Variants in CENPO observed in about 807,000 individuals in gnomAD.
CENPO encodes centromeric protein O.
In CENPO, 30 loss-of-function variants were observed where a neutral mutation model predicts 36.1. The ratio of observed to expected loss-of-function variants is 0.83; its 90% CI spans 0.62 to 1.13. The LOEUF (loss-of-function observed/expected upper bound fraction) is 1.13. CENPO is among the 50% of genes most tolerant of loss of function. The pLI, the probability that CENPO is intolerant of heterozygous loss-of-function variation, is 0.00. For missense variants in CENPO, 349 were observed against 357.8 expected (o/e 0.98, Z 0.20); for synonymous variants, 171 against 142.3 (o/e 1.20, Z -1.44).
chr2:24,821,144 C>T lies in CENPO; in HGVS notation c.*1826C>T, dbSNP rs766618957. The T allele has an allele frequency of 9.4e-5, 41 of 436,518 alleles. No homozygotes were observed. Among genetic ancestry groups the T allele is most frequent in the Non-Finnish European group, 1.5e-4 (37 of 243,712 alleles). 27.0% of individuals were successfully genotyped at this position (436,518 alleles called of 1,614,324 possible). ...CCTGGGACCTCACTCAGGAATGATA[C>T]CCCCTCAGTAGAAGCAGCAGGTGAT... is the stretch of plus-strand genomic sequence containing the variant. On this transcript the variant is annotated 3_prime_UTR_variant, in exon 8 of 8. Transcript: ENST00000380834.
At chr2:24,802,939 C>T (rs1666222158) in intron 3 of CENPO, among the ~76,000 whole-genome samples, 1 of 152,158 alleles carries the variant, frequency 6.6e-6, no homozygotes, top group African/African-American at 2.4e-5. Flanking sequence ...TAGAATTCGG[C>T]TGTGAATCTA....
rs1461493900 is a variant in CENPO, at chr2:24,820,984, T to A, written c.*1666T>A. The A allele has an allele frequency of 6.1e-6, 8 of 1,309,582 alleles. No homozygotes were observed. In the East Asian group the frequency reaches 1.9e-4, roughly 31 times the overall value. The allele number at this position is 1,309,582 out of a possible 1,614,324, so 81.1% of individuals were successfully genotyped here. ...ATTGTCCTCATTCAACTTGGCTGTA[T>A]GCTATTGGAGGGTGGAAATCACATC... On this transcript the variant is annotated 3_prime_UTR_variant, in exon 8 of 8. Transcript: ENST00000380834.
chr2:24,793,751 C>T, intron 1 of CENPO, 101 bp from the exon 2 acceptor site: 2 of 1,020,176 alleles, frequency 2.0e-6, no homozygotes, highest in East Asian at 2.4e-5. Flanking sequence ...ACATTTGTGT[C>T]ATCCGCGGCC....
chr2:24,814,529 T>C, intron 4 of CENPO, 36 bp downstream of exon 4: 1 of 978,970 alleles, frequency 1.0e-6, no homozygotes, highest in Non-Finnish European at 1.7e-6. Context: ...TTAGTCTGGG[T>C]CTGCCTCTAG....
At chr2:24,801,840 G>A (rs993234567) in intron 3 of CENPO, among the ~76,000 whole-genome samples, 5 of 152,178 alleles carry the variant, frequency 3.3e-5, no homozygotes, top group African/African-American at 1.2e-4. Flanking sequence ...GAATTTTAAA[G>A]TAGTTTTTTC....
intron 3 of CENPO, among the ~76,000 whole-genome samples, chr2:24,803,482 G>A (rs572185727): frequency 1.8e-4 from 28 of 151,798 alleles, no homozygotes; most frequent in African/African-American, 3.1e-4. Flanking sequence ...ATAAATTTCC[G>A]TCTACACACT....
In CENPO at chr2:24,819,969, G is replaced by T. The variant is rs779807680; in HGVS notation, c.*651G>T. ...CACCACCTGGTGGGGCAGTGTGACA[G>T]AGGGGCCATTGGGGAAGGTGGCTAG... On this transcript the variant is annotated 3_prime_UTR_variant, in exon 8 of 8. Transcript: ENST00000380834. 6 of 1,613,814 alleles carry T rather than the reference G, an allele frequency of 3.7e-6. No homozygotes were observed. In the Admixed American group the frequency reaches 6.7e-5, roughly 18 times the overall value.
chr2:24,815,716 A>G lies in CENPO; in HGVS notation c.554A>G (p.Asn185Ser). The part of the protein sequence containing the change: ...HFLFSLCEYL[N>S]AYSGRKYQAD... ...CTGTTCAGTCTCTGCGAGTACCTGA[A>G]TGCTTACTCTGGGAGGAAGTACCAG... is the stretch of plus-strand genomic sequence containing the variant. Residue 185 changes from asparagine to serine, a missense_variant, in exon 5 of 8, where the codon AAT becomes AGT. Asn to Ser is a conservative substitution (Grantham distance 46). Transcript: ENST00000380834. 1.2e-6 allele frequency: 2 copies of G among 1,614,158 alleles called. No homozygotes were observed. The highest frequency in any genetic ancestry group is 1.7e-6 in the Non-Finnish European group (2 of 1,179,990).
chr2:24,804,753 C>A (rs113094165), intron 3 of CENPO, among the ~76,000 whole-genome samples: 1 of 152,056 alleles, frequency 6.6e-6, no homozygotes, highest in Admixed American at 6.6e-5. Flanking sequence ...TCTGGCTGCC[C>A]TTACATTTTT....
chr2:24,818,643 C>CAGTT (rs3037272), intron 7 of CENPO, among the ~76,000 whole-genome samples: 2 of 151,308 alleles, frequency 1.3e-5, no homozygotes, highest in Admixed American at 6.6e-5. Context: ...TGAAAAAGCA[C>CAGTT]AGTTAGTTAG....
chr2:24,803,303 A>G (rs1436145390), intron 3 of CENPO, among the ~76,000 whole-genome samples: 1 of 151,484 alleles, frequency 6.6e-6, no homozygotes, highest in Non-Finnish European at 1.5e-5. Flanking sequence ...TGATTTTTTG[A>G]AGGGTTTTTT....
chr2:24,815,987 G>C, intron 5 of CENPO: 1 of 537,026 alleles, frequency 1.9e-6, no homozygotes, highest in Non-Finnish European at 3.3e-6. Flanking sequence ...CCCCTGAATG[G>C]TGGTCTTCAA....
intron 5 of CENPO, 152 bp downstream of exon 5, chr2:24,815,908 A>C (rs1051856502): frequency 1.4e-6 from 1 of 716,154 alleles, no homozygotes; most frequent in Admixed American, 2.9e-5. Flanking sequence ...TAAAAGCACT[A>C]TCCCACCCTC....
At chr2:24,808,309 A>G (rs1177599513) in intron 3 of CENPO, among the ~76,000 whole-genome samples, 6 of 152,134 alleles carry the variant, frequency 3.9e-5, no homozygotes, top group Non-Finnish European at 5.9e-5. Context: ...CCTGGGTTCA[A>G]GAGATTCTTC....
chr2:24,813,380 G>A (rs998398799), intron 3 of CENPO, among the ~76,000 whole-genome samples: 2 of 152,144 alleles, frequency 1.3e-5, no homozygotes, highest in Admixed American at 6.5e-5. Flanking sequence ...GTCTATTTCC[G>A]GTTTCCCTTA....
chr2:24,805,479 A>G (rs1033772640), intron 3 of CENPO, among the ~76,000 whole-genome samples: 1 of 152,042 alleles, frequency 6.6e-6, no homozygotes, highest in African/African-American at 2.4e-5. Flanking sequence ...GTCTTTGATG[A>G]TAGTGACGTA....
rs756880048 is a variant in CENPO, at chr2:24,793,896, T to G, written c.-24T>G. On this transcript the variant is annotated 5_prime_UTR_variant, in exon 2 of 8. An upstream start codon of the reference 5' UTR is lost. Coordinates refer to ENST00000380834, the MANE Select transcript of CENPO (RefSeq NM_001322101.2). ...ATCACCGGTTGCCTAGACAACTTCA[T>G]GGGAAGGCCCTTGGGAATCTGAGAT... 1.1e-5 allele frequency: 17 copies of G among 1,614,186 alleles called. No homozygotes were observed. The East Asian group carries it at 3.6e-4, about 34-fold the overall frequency.
intron 1 of CENPO, 169 bp downstream of exon 1, chr2:24,793,670 G>T: frequency 8.7e-7 from 1 of 1,149,398 alleles, no homozygotes; most frequent in Non-Finnish European, 1.2e-6. Flanking sequence ...GGGCGCGGGG[G>T]TGGGCATGGA....
intron 3 of CENPO, among the ~76,000 whole-genome samples, chr2:24,805,858 CAG>C (rs1055305056): frequency 2.6e-5 from 4 of 152,210 alleles, no homozygotes; most frequent in Non-Finnish European, 5.9e-5. Flanking sequence ...AACTATCAGA[CAG>C]GGACATTTAA....
Sources: gnomAD v4.1 joint callset for allele counts (sites outside exome capture counted in the v4.1 genomes callset) on GRCh38, gnomAD v4.1.1 for gene constraint, MANE v1.5 for transcripts, NCBI Gene and HGNC (gene_info 2026-07-23, HGNC 2026-07-21) for gene names.